Variants in NUDCD3 observed in about 807,000 individuals in gnomAD.
NUDCD3 encodes the protein nudC domain-containing protein 3.
Under a neutral mutation model 39.7 loss-of-function variants are expected in NUDCD3, and 13 were observed. That is an observed-to-expected ratio of 0.33 (90% CI 0.21 to 0.52). The LOEUF is 0.52. Ranked by LOEUF, NUDCD3 falls within the 20% of genes least tolerant of loss-of-function variation. The pLI is 0.96. For synonymous variants in NUDCD3, 175 were observed against 172.4 expected, an observed-to-expected ratio of 1.02 and a Z score of -0.12; for missense variants, 453 against 458.1, an observed-to-expected ratio of 0.99 and a Z score of 0.10.
At chr7:44,418,442 C>T (rs1198078492) in intron 3 of NUDCD3, among the ~76,000 whole-genome samples, 2 of 152,240 alleles carry the variant, frequency 1.3e-5, no homozygotes, top group Non-Finnish European at 2.9e-5. Context: ...CTGACTCAAA[C>T]CACAGCTTTG....
Position 44,380,800 on chromosome 7 carries a change from G to A in NUDCD3, c.*5211C>T, listed in dbSNP as rs1798293451. On this transcript the variant is annotated 3_prime_UTR_variant, in exon 6 of 6. Coordinates refer to ENST00000355451, the MANE Select transcript of NUDCD3 (RefSeq NM_015332.4). ...TTCCTAAACTCCCTAGTCCAGCAGA[G>A]GTTAGGGCTCGCTTTCCCTGCTAGA... 1 of 152,308 alleles carries A rather than the reference G, an allele frequency of 6.6e-6. No homozygotes were observed. The highest frequency in any genetic ancestry group is 1.5e-5 in the Non-Finnish European group (1 of 68,106). 9.4% of individuals were successfully genotyped at this position (152,308 alleles called of 1,614,324 possible). A position where few individuals can be genotyped will look rare whatever the true frequency, so the allele number is the denominator to read the frequency against.
chr7:44,399,783 C>A (rs1396636280), intron 4 of NUDCD3, among the ~76,000 whole-genome samples: 2 of 152,248 alleles, frequency 1.3e-5, no homozygotes, highest in Admixed American at 1.3e-4. Context: ...GAGAAATAAT[C>A]TAAATTGAGG....
intron 2 of NUDCD3, among the ~76,000 whole-genome samples, chr7:44,452,258 C>T (rs1266082119): frequency 6.6e-6 from 1 of 152,256 alleles, no homozygotes; most frequent in East Asian, 1.9e-4. Context: ...GTCTAGCCAA[C>T]ATGGCGAAAA....
intron 4 of NUDCD3, among the ~76,000 whole-genome samples, chr7:44,403,711 T>A (rs1308585951): frequency 6.6e-6 from 1 of 152,270 alleles, no homozygotes; most frequent in Non-Finnish European, 1.5e-5. Flanking sequence ...TTTGCACATA[T>A]GAAGAATATA....
chr7:44,379,472 C>T lies in NUDCD3; in HGVS notation c.*6539G>A, dbSNP rs2116845942. ...GGGACAGCAGAGCCTGTTCAGGAGGCTGCTGACTGTCCAGGGCTTTGCTGA... is the reference window on the plus strand; with the variant it reads ...GGGACAGCAGAGCCTGTTCAGGAGGTTGCTGACTGTCCAGGGCTTTGCTGA... On this transcript the variant is annotated 3_prime_UTR_variant, in exon 6 of 6. Transcript: ENST00000355451. 1 of 152,244 alleles carries T rather than the reference C, an allele frequency of 6.6e-6. No individual in the cohort carries two copies. The highest frequency in any genetic ancestry group is 6.5e-5 in the Admixed American group (1 of 15,288). 9.4% of individuals were successfully genotyped at this position (152,244 alleles called of 1,614,324 possible).
intron 3 of NUDCD3, among the ~76,000 whole-genome samples, chr7:44,407,332 G>A (rs765576776): frequency 3.4e-4 from 52 of 151,434 alleles, no homozygotes; most frequent in South Asian, 6.3e-4. Context: ...TTAGGAGGCC[G>A]AGGCAGGCAG....
chr7:44,490,467 C>T lies in NUDCD3; in HGVS notation c.134G>A (p.Arg45His), dbSNP rs1393787690. Residue 45 changes from arginine (R) to histidine (H), a missense_variant, in exon 1 of 6, where the codon CGC (arginine) becomes CAC (histidine). Arg to His is a conservative substitution (Grantham distance 29). Coordinates refer to ENST00000355451, the MANE Select transcript of NUDCD3 (RefSeq NM_015332.4). ...YRKTDFYRLL[R>H]HPSDRMGFPP... The stretch of plus-strand genomic sequence containing the variant: ...GAAGCCCATGCGGTCCGATGGGTGG[C>T]GCAGCAAGCGATAGAAGTCTGTCTT... The T allele has an allele frequency of 3.1e-6, 5 of 1,602,814 alleles. No individual in the cohort carries two copies. In the East Asian group the frequency reaches 6.8e-5, roughly 22 times the overall value.
rs970049066 is a variant in NUDCD3 at position 44,392,427 on chromosome 7, G to C, written c.845C>G (p.Pro282Arg). ...WWNAILEGEE[P>R]IDIDKINKER... ...CTTGTTGATCTTGTCAATGTCGATG[G>C]GCTCTTCTCCCTCCAGGATGGCGTT... is the stretch of plus-strand genomic sequence containing the variant. The change falls in exon 5 of 6, where the codon CCC (proline) becomes CGC (arginine). Residue 282 changes from proline to arginine, a missense_variant. Physicochemically the swap from Pro to Arg is moderately radical, Grantham distance 103 (BLOSUM62 -2). Transcript: ENST00000355451. 1 of 1,613,940 alleles carries C rather than the reference G, an allele frequency of 6.2e-7. No individual in the cohort carries two copies. Among genetic ancestry groups the C allele is most frequent in the South Asian group, 1.1e-5 (1 of 91,078 alleles).
Position 44,430,556 on chromosome 7 carries a change from ACACACACACACACT to A in NUDCD3, c.510-2867_510-2854del, listed in dbSNP as rs1486861401. ...GTGAAAATATATAAATAAAATACCC[ACACACACACACACT>A]CACACACACACACACACACACACAC... On this transcript the variant is annotated intron_variant, in intron 2 of 5. Coordinates refer to ENST00000355451, the MANE Select transcript of NUDCD3 (RefSeq NM_015332.4). Among the ~76,000 whole-genome samples, 324 of 140,942 alleles carry A rather than the reference ACACACACACACACT, an allele frequency of 2.3e-3. 1 individual carries two copies. The highest frequency in any genetic ancestry group is 8.1e-3 in the African/African-American group (291 of 36,004). 92.5% of individuals were successfully genotyped at this position (140,942 alleles called of 152,430 possible).
intron 3 of NUDCD3, among the ~76,000 whole-genome samples, chr7:44,419,525 G>C (rs566592687): frequency 8.2e-4 from 125 of 152,282 alleles, no homozygotes; most frequent in African/African-American, 2.9e-3. Flanking sequence ...TCCTCAAGTG[G>C]GTCCCTGACC....
rs145510270 is a variant in NUDCD3, at chr7:44,448,915, C to T, written c.510-21212G>A. On this transcript the variant is annotated intron_variant, in intron 2 of 5. Transcript: ENST00000355451. Reference sequence around the variant, plus strand: ...GGACAAGCAAGAAGGGAAGAAGGTGCCCTGAGCTTGGGCAATGAGGAAAAT... The same window carrying T: ...GGACAAGCAAGAAGGGAAGAAGGTGTCCTGAGCTTGGGCAATGAGGAAAAT... Among the ~76,000 whole-genome samples the T allele has an allele frequency of 1.0e-3, 154 of 152,260 alleles. 1 individual carries two copies. Among genetic ancestry groups the T allele is most frequent in the African/African-American group, 3.4e-3 (140 of 41,544 alleles).
In NUDCD3 at chr7:44,484,977, A is replaced by C. The variant is rs774082717; in HGVS notation, c.500T>G (p.Ile167Ser). The part of the protein sequence containing the change: ...GAAEVPREPP[I>S]LPRIQEQFQK... ...AAGTAGAAATTCCCACCTGGGAAGA[A>C]TTGGTGGTTCCCTAGGGACTTCAGC... Residue 167 changes from isoleucine to serine, a missense_variant, in exon 2 of 6, where the codon ATT (isoleucine) becomes AGT (serine). Ile to Ser is a moderately radical substitution (Grantham distance 142). Coordinates refer to ENST00000355451, the MANE Select transcript of NUDCD3 (RefSeq NM_015332.4). The C allele has an allele frequency of 1.9e-6, 3 of 1,598,598 alleles. No individual in the cohort carries two copies. Among genetic ancestry groups the C allele is most frequent in the East Asian group, 2.2e-5 (1 of 44,626 alleles).
chr7:44,427,256 C>T (rs141568299), intron 3 of NUDCD3, among the ~76,000 whole-genome samples: 2 of 152,092 alleles, frequency 1.3e-5, no homozygotes, highest in Non-Finnish European at 2.9e-5. Flanking sequence ...CAATAGGAAC[C>T]CCAGGAGAGT....
chr7:44,425,661 C>T (rs1226300574), intron 3 of NUDCD3, among the ~76,000 whole-genome samples: 1 of 152,104 alleles, frequency 6.6e-6, no homozygotes, highest in Non-Finnish European at 1.5e-5. Flanking sequence ...GCCAGGAGTT[C>T]AAGACCAGCC....
intron 3 of NUDCD3, among the ~76,000 whole-genome samples, chr7:44,422,754 G>A (rs1234358117): frequency 6.6e-6 from 1 of 152,174 alleles, no homozygotes; most frequent in Non-Finnish European, 1.5e-5. Flanking sequence ...CCAAACAATA[G>A]AAGAAGACAG....
intron 2 of NUDCD3, among the ~76,000 whole-genome samples, chr7:44,444,346 G>A (rs1299065304): frequency 1.3e-5 from 2 of 152,174 alleles, no homozygotes; most frequent in Non-Finnish European, 2.9e-5. Context: ...TAATCACAAA[G>A]GTTTGCTCCC....
At chr7:44,463,129 T>G (rs765442866) in intron 2 of NUDCD3, among the ~76,000 whole-genome samples, 1 of 152,180 alleles carries the variant, frequency 6.6e-6, no homozygotes, top group Non-Finnish European at 1.5e-5. Flanking sequence ...TTGACCCCGA[T>G]AGGGTCAGGA....
chr7:44,438,797 C>A (rs1225685344), intron 2 of NUDCD3, among the ~76,000 whole-genome samples: 5 of 152,152 alleles, frequency 3.3e-5, no homozygotes, highest in African/African-American at 4.8e-5. Context: ...AGATACACTG[C>A]CAGAAAAAGA....
At chr7:44,390,461 ATC>A (rs1297123514) in intron 5 of NUDCD3, among the ~76,000 whole-genome samples, 1 of 152,224 alleles carries the variant, frequency 6.6e-6, no homozygotes, top group African/African-American at 2.4e-5. Context: ...AATTTTTATC[ATC>A]TCTCTGTAAC....
Sources: allele counts gnomAD v4.1 joint callset (sites outside exome capture counted in the v4.1 genomes callset), GRCh38; gene constraint gnomAD v4.1.1; transcripts MANE v1.5; gene names NCBI Gene and HGNC (gene_info 2026-07-23, HGNC 2026-07-21).